The following OSBPL6 variants were observed in gnomAD, a reference collection of about 807,000 sequenced individuals.
OSBPL6 encodes oxysterol binding protein like 6, also known as oxysterol-binding protein-related protein 6.
OSBPL6 carries 49 observed loss-of-function variants against 125.8 expected under a neutral mutation model. The ratio of observed to expected loss-of-function variants is 0.39; its 90% confidence interval spans 0.31 to 0.49. The LOEUF is 0.49. Ranked by LOEUF, OSBPL6 falls within the 20% of genes least tolerant of loss-of-function variation. The probability of loss-of-function intolerance (pLI) is 0.88; values close to 1 mark genes in which losing one functional copy is unlikely to be tolerated. For missense variants in OSBPL6, 986 were observed against 1,135.4 expected, an observed-to-expected ratio of 0.87 and a Z score of 1.89; for synonymous variants, 394 against 391.8, an observed-to-expected ratio of 1.01 and a Z score of -0.07.
In OSBPL6 at chr2:178,384,050, C is replaced by T. The variant is rs771307131; in HGVS notation, c.1887C>T (p.Ala629=). The T allele has an allele frequency of 4.3e-5, 70 of 1,613,612 alleles. No individual in the cohort carries two copies. Among genetic ancestry groups the T allele is most frequent in the South Asian group, 4.0e-4 (36 of 91,046 alleles). Residue 629 remains alanine, a synonymous_variant, in exon 18 of 25, where the codon GCC becomes GCT. Transcript: ENST00000190611. The part of the protein sequence containing the change: ...DDPYERMVLV[A]AFAVSGYCST... ...CAATGTTTTAACAGGTTCTCGTTGCCGCATTTGCAGTTTCAGGATACTGCT... is the reference window on the plus strand; with the variant it reads ...CAATGTTTTAACAGGTTCTCGTTGCTGCATTTGCAGTTTCAGGATACTGCT...
chr2:178,212,168 C>A (rs940337759), intron 1 of OSBPL6, among the ~76,000 whole-genome samples: 3 of 152,152 alleles, frequency 2.0e-5, no homozygotes, highest in Non-Finnish European at 4.4e-5. Flanking sequence ...CCCTCTGAAG[C>A]TCAGCACACT....
intron 2 of OSBPL6, among the ~76,000 whole-genome samples, chr2:178,291,339 T>C (rs1298846676): frequency 6.6e-6 from 1 of 152,178 alleles, no homozygotes; most frequent in Non-Finnish European, 1.5e-5. Context: ...TGATTGTACA[T>C]TTTGGATGGT....
chr2:178,230,558 T>C (rs985762724), intron 1 of OSBPL6: 2 of 152,260 alleles, frequency 1.3e-5, no homozygotes, highest in East Asian at 1.9e-4. Context: ...CGAGAGAACT[T>C]GAGTCACCAA....
At chr2:178,325,072 G>A (rs1688578717) in intron 4 of OSBPL6, among the ~76,000 whole-genome samples, 1 of 152,112 alleles carries the variant, frequency 6.6e-6, no homozygotes, top group Non-Finnish European at 1.5e-5. Context: ...CCTCAGACTG[G>A]GGAAAATTAA....
At chr2:178,320,653 AATT>A (rs1688157746) in intron 3 of OSBPL6, among the ~76,000 whole-genome samples, 1 of 152,200 alleles carries the variant, frequency 6.6e-6, no homozygotes, top group African/African-American at 2.4e-5. Flanking sequence ...TTATACCACA[AATT>A]ATGATCTTAA....
intron 1 of OSBPL6, among the ~76,000 whole-genome samples, chr2:178,239,917 G>A (rs982979449): frequency 6.6e-6 from 1 of 151,932 alleles, no homozygotes; most frequent in Non-Finnish European, 1.5e-5. Context: ...GTGAGCCACC[G>A]TGCTCAGCCT....
intron 1 of OSBPL6, among the ~76,000 whole-genome samples, chr2:178,280,178 T>A (rs1684010685): frequency 6.6e-6 from 1 of 152,030 alleles, no homozygotes; most frequent in Non-Finnish European, 1.5e-5. Context: ...AGCCTGGCAA[T>A]AGAGTGAGAT....
intron 3 of OSBPL6, among the ~76,000 whole-genome samples, chr2:178,323,174 T>G (rs938866931): frequency 1.3e-5 from 2 of 152,210 alleles, no homozygotes; most frequent in African/African-American, 2.4e-5. Flanking sequence ...CTAATTTATA[T>G]TTTCTTTCTT....
chr2:178,342,414 T>C (rs1559269020), intron 11 of OSBPL6, among the ~76,000 whole-genome samples: 6 of 152,128 alleles, frequency 3.9e-5, no homozygotes, highest in Non-Finnish European at 7.4e-5. Context: ...AAAGTAAAAA[T>C]GAAAAACATG....
chr2:178,263,836 T>TGC (rs760526096), intron 1 of OSBPL6, among the ~76,000 whole-genome samples: 423 of 151,154 alleles, frequency 2.8e-3, no homozygotes, highest in Non-Finnish European at 4.4e-3. Flanking sequence ...TGTGTGTGTG[T>TGC]GCGTGTACAC....
intron 12 of OSBPL6, among the ~76,000 whole-genome samples, chr2:178,353,453 C>T (rs1691477891): frequency 6.6e-6 from 1 of 152,122 alleles, no homozygotes; most frequent in Non-Finnish European, 1.5e-5. Context: ...GATGCATGCC[C>T]AAGCTTCAGT....
At chr2:178,208,929 C>T (rs1415251558) in intron 1 of OSBPL6, among the ~76,000 whole-genome samples, 5 of 151,978 alleles carry the variant, frequency 3.3e-5, no homozygotes. Context: ...ATAGTCTGGG[C>T]CTAAAATTCA....
intron 3 of OSBPL6, among the ~76,000 whole-genome samples, chr2:178,307,100 A>G (rs1190606396): frequency 6.6e-6 from 1 of 152,148 alleles, no homozygotes; most frequent in South Asian, 2.1e-4. Flanking sequence ...CGTTTTGGCA[A>G]CTTTCAATTA....
intron 1 of OSBPL6, among the ~76,000 whole-genome samples, chr2:178,264,654 C>T (rs369564253): frequency 7.9e-5 from 12 of 152,126 alleles, no homozygotes; most frequent in African/African-American, 2.9e-4. Context: ...TTTTCAGGCC[C>T]CTTACAATTG....
intron 1 of OSBPL6, among the ~76,000 whole-genome samples, chr2:178,226,467 C>A (rs1355361568): frequency 6.6e-6 from 1 of 152,232 alleles, no homozygotes; most frequent in Non-Finnish European, 1.5e-5. Context: ...GAATAAGAAC[C>A]TTCACAGTGT....
At chr2:178,323,428 T>G (rs1395679613) in intron 3 of OSBPL6, 1 of 152,194 alleles carries the variant, frequency 6.6e-6, no homozygotes. Context: ...GTAAGAAACT[T>G]TAGAGACTGA....
chr2:178,383,919 C>T, intron 17 of OSBPL6, 120 bp from the exon 18 acceptor site: 2 of 1,162,504 alleles, frequency 1.7e-6, no homozygotes, highest in Non-Finnish European at 2.4e-6. Context: ...ATAGAAAATG[C>T]AACTGTCATC....
chr2:178,290,898 T>C (rs1490663841), intron 2 of OSBPL6, among the ~76,000 whole-genome samples: 1 of 152,172 alleles, frequency 6.6e-6, no homozygotes, highest in East Asian at 1.9e-4. Flanking sequence ...GAGTTAACTT[T>C]ATGGAGTCTT....
intron 3 of OSBPL6, among the ~76,000 whole-genome samples, chr2:178,316,885 G>A (rs2154068055): frequency 6.6e-6 from 1 of 152,064 alleles, no homozygotes; most frequent in South Asian, 2.1e-4. Context: ...AGGGAGGACT[G>A]TATTGCTAAT....
Sources: allele counts gnomAD v4.1 joint callset (sites outside exome capture counted in the v4.1 genomes callset), GRCh38; gene constraint gnomAD v4.1.1; transcripts MANE v1.5; gene names NCBI Gene and HGNC (gene_info 2026-07-23, HGNC 2026-07-21).